The following ARHGEF3 variants were observed in gnomAD, a reference collection of about 807,000 sequenced individuals.
The protein encoded by ARHGEF3 is 59.8 kDA protein.
A neutral mutation model predicts 63.2 loss-of-function variants in ARHGEF3; 28 were observed. The observed-to-expected ratio is 0.44, with a 90% CI of 0.33 to 0.61. The LOEUF (loss-of-function observed/expected upper bound fraction) is 0.61. ARHGEF3 is among the 20% of genes least tolerant of loss of function. ARHGEF3 has a pLI of 0.03. For synonymous variants in ARHGEF3, 266 were observed against 254.2 expected (o/e 1.05, Z -0.44); for missense variants, 533 against 659.3 (o/e 0.81, Z 2.10).
At chr3:56,995,385 TAA>T (rs1264535630) in intron 2 of ARHGEF3, among the ~76,000 whole-genome samples, 1 of 151,788 alleles carries the variant, frequency 6.6e-6, no homozygotes, top group Non-Finnish European at 1.5e-5. Flanking sequence ...TGTGAAATGC[TAA>T]AAAAAAGATA....
rs2040388362 is a variant in ARHGEF3, at chr3:56,870,091, G to C, written c.192+12201C>G. ...CTTACTACTTGCTCTGGGGTGTAGAGATAGTCATTGTTTGTTATTGGGAAG... is the reference window on the plus strand; with the variant it reads ...CTTACTACTTGCTCTGGGGTGTAGACATAGTCATTGTTTGTTATTGGGAAG... On this transcript the variant is annotated intron_variant, in intron 4 of 12. Coordinates refer to the ARHGEF3 transcript ENST00000338458. 2.0e-5 allele frequency among the ~76,000 whole-genome samples: 3 copies of C among 152,172 alleles called. No individual in the cohort carries two copies. The South Asian group carries it at 6.2e-4, about 32-fold the overall frequency.
chr3:56,928,761 AG>A (rs947687725), intron 3 of ARHGEF3, among the ~76,000 whole-genome samples: 6 of 152,174 alleles, frequency 3.9e-5, no homozygotes, highest in African/African-American at 1.4e-4. Context: ...AGAAACAGCC[AG>A]GGTTGAGTGG....
chr3:56,730,671 G>A lies in ARHGEF3; in HGVS notation c.1229-1049C>T, dbSNP rs535247015. Reference sequence around the variant, plus strand: ...GATGGGACTATAGGCGTGAGCCACCGTGCCTGGCCTATTTAATCTAATAAC... The same window carrying A: ...GATGGGACTATAGGCGTGAGCCACCATGCCTGGCCTATTTAATCTAATAAC... On this transcript the variant is annotated intron_variant, in intron 9 of 9. Coordinates refer to ENST00000296315, the MANE Select transcript of ARHGEF3 (RefSeq NM_019555.3). Among the ~76,000 whole-genome samples, 17 of 152,226 alleles carry A rather than the reference G, an allele frequency of 1.1e-4. 1 individual carries two copies. The highest frequency in any genetic ancestry group is 5.9e-4 in the Admixed American group (9 of 15,294).
intron 2 of ARHGEF3, among the ~76,000 whole-genome samples, chr3:57,011,465 G>A (rs2107103740): frequency 6.6e-6 from 1 of 152,148 alleles, no homozygotes; most frequent in African/African-American, 2.4e-5. Flanking sequence ...ATTTTCTTTT[G>A]TTACAAGGGA....
intron 2 of ARHGEF3, among the ~76,000 whole-genome samples, chr3:56,996,891 T>TA (rs1702014765): frequency 3.6e-5 from 2 of 55,858 alleles, no homozygotes; most frequent in South Asian, 1.0e-3. Flanking sequence ...ATTATTATTA[T>TA]TTTTTTTTTT....
At chr3:57,025,235 C>G (rs757147129) in intron 2 of ARHGEF3, among the ~76,000 whole-genome samples, 3 of 152,092 alleles carry the variant, frequency 2.0e-5, no homozygotes, top group African/African-American at 7.2e-5. Context: ...AAAGGGGTTT[C>G]GGAGCAATGG....
chr3:56,746,623 A>G (rs944466459), intron 6 of ARHGEF3, among the ~76,000 whole-genome samples: 2 of 152,014 alleles, frequency 1.3e-5, no homozygotes, highest in Non-Finnish European at 2.9e-5. Context: ...CCAGCTACTC[A>G]GGAGGCTGAG....
Position 56,737,197 on chromosome 3 carries a change from G to C in ARHGEF3, c.1029C>G (p.Asn343Lys). 1 of 1,613,770 alleles carries C rather than the reference G, an allele frequency of 6.2e-7. No individual in the cohort carries two copies. Among genetic ancestry groups the C allele is most frequent in the Non-Finnish European group, 8.5e-7 (1 of 1,179,792 alleles). The change falls in exon 8 of 10, where the codon AAC becomes AAG. Residue 343 changes from asparagine to lysine, a missense_variant. Physicochemically the swap from Asn to Lys is moderately conservative, Grantham distance 94 (BLOSUM62 0). Around this residue, in one of 4 missense-constraint regions of ARHGEF3, gnomAD observed 151 missense variants for 190.7 expected, o/e 0.79. Transcript: ENST00000296315. Reference protein sequence around the residue: ...RVLCCHGELKNNRGVKLHVFL... With the variant: ...RVLCCHGELKKNRGVKLHVFL... ...AGTAACTACTTACCACGCCCCGATT[G>C]TTCTTCAGTTCACCATGACAACACA...
At chr3:56,834,855 A>G (rs1259555081) in intron 4 of ARHGEF3, among the ~76,000 whole-genome samples, 1 of 152,158 alleles carries the variant, frequency 6.6e-6, no homozygotes, top group Non-Finnish European at 1.5e-5. Context: ...GTATCTGTGC[A>G]TCATGTGATC....
chr3:57,031,791 T>C (rs117532335), intron 2 of ARHGEF3, among the ~76,000 whole-genome samples: 1 of 152,284 alleles, frequency 6.6e-6, no homozygotes, highest in East Asian at 1.9e-4. Context: ...AGTCTCCTAA[T>C]AATTGCACAA....
At chr3:57,047,251 G>C (rs1402915857) in intron 1 of ARHGEF3, among the ~76,000 whole-genome samples, 1 of 152,206 alleles carries the variant, frequency 6.6e-6, no homozygotes, top group African/African-American at 2.4e-5. Flanking sequence ...AGGAGGCTGA[G>C]GCAGGGGAAT....
At position 56,868,301 on chromosome 3, in the gene ARHGEF3, C is replaced by T. The variant is rs577848764; in HGVS notation, c.192+13991G>A. The stretch of plus-strand genomic sequence containing the variant: ...AAAGTGAAGCACCTTCCCGACTGAA[C>T]CTTTGAGTTAACCAGCTAAAAGCAA... On this transcript the variant is annotated intron_variant, in intron 4 of 12. Transcript: ENST00000338458. Among the ~76,000 whole-genome samples the T allele has an allele frequency of 3.3e-5, 5 of 152,122 alleles. No individual in the cohort carries two copies. In the East Asian group the frequency reaches 9.7e-4, roughly 29 times the overall value.
chr3:56,926,032 C>T (rs535544272), intron 3 of ARHGEF3, among the ~76,000 whole-genome samples: 5 of 152,346 alleles, frequency 3.3e-5, no homozygotes, highest in Admixed American at 1.3e-4. Flanking sequence ...AGCTCACAGG[C>T]CAGAGGAGAC....
At chr3:56,821,167 AT>A (rs2038477872) in intron 4 of ARHGEF3, among the ~76,000 whole-genome samples, 1 of 151,730 alleles carries the variant, frequency 6.6e-6, no homozygotes, top group African/African-American at 2.4e-5. Flanking sequence ...TCAAAAAAAA[AT>A]AAATAAATAA....
chr3:56,791,272 G>T (rs1424516453), intron 1 of ARHGEF3, among the ~76,000 whole-genome samples: 1 of 151,968 alleles, frequency 6.6e-6, no homozygotes, highest in African/African-American at 2.4e-5. Flanking sequence ...AATTAGCCAG[G>T]CATGGTGGCA....
rs528563530 is a variant in ARHGEF3, at chr3:56,860,828, G to A, written c.192+21464C>T. ...TGCCTAATGGTTGGTGGGGGATGAC[G>A]TGATTAATACGTGCCAAGTTCATTT... On this transcript the variant is annotated intron_variant, in intron 4 of 12. Coordinates refer to the ARHGEF3 transcript ENST00000338458. Among the ~76,000 whole-genome samples the A allele has an allele frequency of 1.5e-4, 23 of 152,294 alleles. 1 individual carries two copies. The highest frequency in any genetic ancestry group is 7.2e-4 in the Admixed American group (11 of 15,292).
chr3:56,752,831 G>A (rs1057383592), intron 4 of ARHGEF3, among the ~76,000 whole-genome samples: 3 of 152,172 alleles, frequency 2.0e-5, no homozygotes, highest in Non-Finnish European at 4.4e-5. Flanking sequence ...AATGCTAGAG[G>A]TGGAATTTCA....
intron 3 of ARHGEF3, among the ~76,000 whole-genome samples, chr3:56,907,575 C>T (rs2041726981): frequency 6.6e-6 from 1 of 152,104 alleles, no homozygotes; most frequent in Admixed American, 6.5e-5. Flanking sequence ...CATGTATGTT[C>T]GTTGTAGCAC....
At chr3:56,786,341 T>A (rs2036808393) in intron 1 of ARHGEF3, among the ~76,000 whole-genome samples, 1 of 152,220 alleles carries the variant, frequency 6.6e-6, no homozygotes, top group Admixed American at 6.5e-5. Flanking sequence ...CAAAGCATGC[T>A]GTTCAGGAAA....
Sources: gnomAD v4.1 joint callset for allele counts (sites outside exome capture counted in the v4.1 genomes callset) on GRCh38, gnomAD v4.1.1 for gene constraint, gnomAD v4.1.1 regional missense constraint, MANE v1.5 for transcripts, NCBI Gene and HGNC (gene_info 2026-07-23, HGNC 2026-07-21) for gene names.